DDX31: variants seen among roughly 807,000 people sequenced by gnomAD.
DDX31 encodes ATP-dependent DNA helicase DDX31.
DDX31 carries 70 observed loss-of-function variants against 91.3 expected under a neutral mutation model. That is an observed-to-expected ratio of 0.77 (90% CI 0.63 to 0.94). The LOEUF (loss-of-function observed/expected upper bound fraction) is 0.94. Among genes scored for constraint, DDX31 ranks in the 40% least tolerant of loss-of-function variants. DDX31 has a pLI of 0.00. For missense variants in DDX31, 902 were observed against 925.0 expected, an observed-to-expected ratio of 0.98 and a Z score of 0.32; for synonymous variants, 362 against 350.6, an observed-to-expected ratio of 1.03 and a Z score of -0.36.
chr9:132,609,313 G>C (rs1831194809), intron 19 of DDX31, among the ~76,000 whole-genome samples: 2 of 152,138 alleles, frequency 1.3e-5, no homozygotes, highest in Non-Finnish European at 2.9e-5. Flanking sequence ...ATAAAGCCCT[G>C]TTAAATCCCC....
At chr9:132,637,302 C>A (rs1035532952) in intron 14 of DDX31, among the ~76,000 whole-genome samples, 6 of 152,156 alleles carry the variant, frequency 3.9e-5, no homozygotes, top group Non-Finnish European at 5.9e-5. Context: ...GATGTAGCTT[C>A]ATTTTATTCC....
At chr9:132,615,902 A>G (rs1273106166) in intron 18 of DDX31, among the ~76,000 whole-genome samples, 1 of 152,250 alleles carries the variant, frequency 6.6e-6, no homozygotes, top group Non-Finnish European at 1.5e-5. Flanking sequence ...CCCAGTTTCT[A>G]ACTAGTTTTC....
Position 132,622,686 on chromosome 9 carries a change from T to A in DDX31, c.1713+2978A>T, listed in dbSNP as rs140064414. Among the ~76,000 whole-genome samples, 652 of 152,332 alleles carry A rather than the reference T, an allele frequency of 4.3e-3. 3 individuals are homozygous for A. Among genetic ancestry groups the A allele is most frequent in the Middle Eastern group, 0.01 (3 of 294 alleles). ...TGTAATTGTACTACTTGCCTTTATT[T>A]CTAGAGAGCTGGCAGATGCTAATGT... On this transcript the variant is annotated intron_variant, in intron 17 of 19. Transcript: ENST00000372159.
chr9:132,666,632 G>A (rs1054830201), intron 1 of DDX31, among the ~76,000 whole-genome samples: 2 of 151,694 alleles, frequency 1.3e-5, no homozygotes, highest in African/African-American at 4.8e-5. Context: ...AGTGATTCTC[G>A]TGCCTCAGCC....
chr9:132,636,407 T>C (rs1833117906), intron 14 of DDX31, among the ~76,000 whole-genome samples: 1 of 152,248 alleles, frequency 6.6e-6, no homozygotes, highest in African/African-American at 2.4e-5. Flanking sequence ...TGCACTGCAG[T>C]GGGAGATCCA....
At chr9:132,632,648 A>G (rs917799774) in intron 14 of DDX31, among the ~76,000 whole-genome samples, 2 of 151,892 alleles carry the variant, frequency 1.3e-5, no homozygotes, top group African/African-American at 4.8e-5. Context: ...TCGCTGTGGG[A>G]GTGAAGTGCA....
Position 132,669,915 on chromosome 9 carries a change from G to T in DDX31, c.20C>A (p.Ser7Ter), listed in dbSNP as rs771992548. 1.1e-5 allele frequency: 17 copies of T among 1,595,968 alleles called. No homozygotes were observed. Among genetic ancestry groups the T allele is most frequent in the Non-Finnish European group, 1.5e-5 (17 of 1,172,322 alleles). Residue 7 changes from serine (S) to a stop codon, truncating the protein, a stop_gained, in exon 1 of 20, where the codon TCG becomes TAG. Transcript: ENST00000372159. LOFTEE classifies it high-confidence loss of function. MAAADG[S>*]LFDNPRTFSR... ...GAACGTCCTGGGGTTGTCGAAGAGC[G>T]AACCGTCGGCGGCTGCCATGGTCTG...
At chr9:132,634,584 T>C (rs1049269550) in intron 14 of DDX31, among the ~76,000 whole-genome samples, 30 of 120,388 alleles carry the variant, frequency 2.5e-4, no homozygotes, top group Admixed American at 1.9e-3. Context: ...GTACCTAAGA[T>C]GTTTTTTTTT....
chr9:132,659,676 A>G, intron 5 of DDX31, 34 bp downstream of exon 5: 1 of 1,587,502 alleles, frequency 6.3e-7, no homozygotes, highest in Non-Finnish European at 8.6e-7. Context: ...GGGCCTGAGC[A>G]GATGAAAAAG....
intron 19 of DDX31, among the ~76,000 whole-genome samples, chr9:132,597,619 C>T (rs1049537250): frequency 3.3e-5 from 5 of 152,224 alleles, no homozygotes; most frequent in Admixed American, 6.5e-5. Context: ...GACTGATACA[C>T]TAATTGCCTA....
rs557616667 is a variant in DDX31 at position 132,648,882 on chromosome 9, C to T, written c.741-331G>A. On this transcript the variant is annotated intron_variant, in intron 9 of 19. Coordinates refer to ENST00000372159, the MANE Select transcript of DDX31 (RefSeq NM_022779.9). ...AAGAGATTGTAGTCTAGCCTGTTCT[C>T]GAAGGTTTCTGTGCCAGAGAATCTA... 5.3e-3 allele frequency among the ~76,000 whole-genome samples: 806 copies of T among 152,222 alleles called. 2 individuals are homozygous for T. Among genetic ancestry groups the T allele is most frequent in the Non-Finnish European group, 7.7e-3 (522 of 68,016 alleles).
At chr9:132,618,264 G>C in intron 18 of DDX31, 66 bp downstream of exon 18, 1 of 1,393,476 alleles carries the variant, frequency 7.2e-7, no homozygotes, top group Non-Finnish European at 9.9e-7. Flanking sequence ...GGGGTATGTG[G>C]GTGAAGGTGG....
intron 18 of DDX31, among the ~76,000 whole-genome samples, chr9:132,614,039 C>T (rs368788410): frequency 3.3e-5 from 5 of 152,210 alleles, no homozygotes; most frequent in East Asian, 3.9e-4. Flanking sequence ...CCAGCCTTCG[C>T]TTCCTCACTC....
intron 16 of DDX31, among the ~76,000 whole-genome samples, chr9:132,626,517 T>C (rs886205066): frequency 6.6e-6 from 1 of 151,888 alleles, no homozygotes; most frequent in African/African-American, 2.4e-5. Context: ...GTGTCAGAGA[T>C]GAAGGAAGAA....
chr9:132,603,205 A>G (rs2119216003), intron 19 of DDX31, among the ~76,000 whole-genome samples: 1 of 152,360 alleles, frequency 6.6e-6, no homozygotes, highest in South Asian at 2.1e-4. Context: ...AAAGTGTCAC[A>G]TGCTGTCGCT....
intron 6 of DDX31, among the ~76,000 whole-genome samples, chr9:132,656,418 C>T (rs760453083): frequency 6.6e-6 from 1 of 152,172 alleles, no homozygotes; most frequent in Non-Finnish European, 1.5e-5. Context: ...CCAATCAAAT[C>T]ACTGCCCCTC....
At chr9:132,623,962 C>G (rs1435292645) in intron 17 of DDX31, among the ~76,000 whole-genome samples, 1 of 151,940 alleles carries the variant, frequency 6.6e-6, no homozygotes, top group Non-Finnish European at 1.5e-5. Flanking sequence ...GTCAGGAGTT[C>G]GAGACCAGCC....
intron 18 of DDX31, among the ~76,000 whole-genome samples, chr9:132,617,455 G>A (rs1010436090): frequency 6.6e-6 from 1 of 151,804 alleles, no homozygotes; most frequent in Admixed American, 6.6e-5. Flanking sequence ...TTTTGATCTC[G>A]CATGCATTCC....
intron 17 of DDX31, among the ~76,000 whole-genome samples, chr9:132,620,257 G>A (rs912331796): frequency 1.3e-5 from 2 of 151,982 alleles, no homozygotes; most frequent in Non-Finnish European, 2.9e-5. Flanking sequence ...AGCCTGGTGC[G>A]AATTCCAGGA....
Sources: gnomAD v4.1 joint callset for allele counts (sites outside exome capture counted in the v4.1 genomes callset) on GRCh38, gnomAD v4.1.1 for gene constraint, MANE v1.5 for transcripts, NCBI Gene and HGNC (gene_info 2026-07-23, HGNC 2026-07-21) for gene names.